The following ROCK1 variants were observed in gnomAD, a reference collection of about 807,000 sequenced individuals.
ROCK1 encodes Rho associated coiled-coil containing protein kinase 1.
In ROCK1, 36 loss-of-function variants were observed where a neutral mutation model predicts 196.8. The ratio of observed to expected loss-of-function variants is 0.18; its 90% CI spans 0.14 to 0.24. ROCK1 has a LOEUF of 0.24. Among genes scored for constraint, ROCK1 ranks in the 10% least tolerant of loss-of-function variants. The pLI is 1.00. For missense variants in ROCK1, 920 were observed against 1,562.0 expected (o/e 0.59, Z 6.93); for synonymous variants, 443 against 515.9 (o/e 0.86, Z 1.91).
At chr18:20,958,882 AATATAT>A (rs1555743038) in intron 29 of ROCK1, among the ~76,000 whole-genome samples, 3 of 26,880 alleles carry the variant, frequency 1.1e-4, no homozygotes, top group Admixed American at 5.9e-4. Flanking sequence ...TATATATATA[AATATAT>A]ATATTTATTT....
intron 22 of ROCK1, among the ~76,000 whole-genome samples, chr18:20,972,176 T>A (rs1207256302): frequency 6.6e-6 from 1 of 152,130 alleles, no homozygotes; most frequent in African/African-American, 2.4e-5. Flanking sequence ...CTATACATAA[T>A]TTTTAGTTAA....
intron 4 of ROCK1, among the ~76,000 whole-genome samples, chr18:21,047,500 A>G (rs2036170230): frequency 6.6e-6 from 1 of 152,188 alleles, no homozygotes; most frequent in Non-Finnish European, 1.5e-5. Context: ...TCAAGTTTAA[A>G]AGTACTATGG....
At chr18:20,991,136 T>G (rs760443434) in intron 18 of ROCK1, 40 bp downstream of exon 18, 1 of 1,544,642 alleles carries the variant, frequency 6.5e-7, no homozygotes, top group Non-Finnish European at 8.7e-7. Flanking sequence ...TAGTCACTAT[T>G]TAAAGTCAAT....
Position 20,954,714 on chromosome 18 carries a change from C to T in ROCK1, c.3853+69G>A. 6 of 1,453,448 alleles carry T rather than the reference C, an allele frequency of 4.1e-6. No homozygotes were observed. In the South Asian group the frequency reaches 8.2e-5, roughly 20 times the overall value. 90.0% of individuals were successfully genotyped at this position (1,453,448 alleles called of 1,614,324 possible). ...TCAACTTGGTATAGAAATCACTACA[C>T]ATAAGTTAGTTCATTGAGACTTAAA... On this transcript the variant is annotated intron_variant, in intron 31 of 32. Coordinates refer to ENST00000399799, the MANE Select transcript of ROCK1 (RefSeq NM_005406.3).
intron 16 of ROCK1, among the ~76,000 whole-genome samples, chr18:21,002,842 A>C (rs944239962): frequency 6.6e-6 from 1 of 152,182 alleles, no homozygotes; most frequent in Non-Finnish European, 1.5e-5. Context: ...CCTGGGCTCA[A>C]GCAATCCTCC....
intron 16 of ROCK1, among the ~76,000 whole-genome samples, chr18:21,004,012 T>C (rs2035748348): frequency 6.6e-6 from 1 of 152,204 alleles, no homozygotes. Context: ...TGAAAGCTTA[T>C]CAATTCAGTT....
rs1334919677 is a variant in ROCK1 at position 20,959,047 on chromosome 18, AATAT to A, written c.3512+789_3512+792del. 1.4e-4 allele frequency among the ~76,000 whole-genome samples: 7 copies of A among 49,536 alleles called. No individual in the cohort carries two copies. In the South Asian group the frequency reaches 2.6e-3, roughly 18 times the overall value. The allele number at this position is 49,536 out of a possible 152,430, so 32.5% of individuals were successfully genotyped here. Reference sequence around the variant, plus strand: ...AATATATATATTTTATATAATATATAATATATATATTATATTTTATATTATATAA... The same window carrying A: ...AATATATATATTTTATATAATATATAATATATTATATTTTATATTATATAA... On this transcript the variant is annotated intron_variant, in intron 29 of 32. Transcript: ENST00000399799.
chr18:21,109,848 C>T (rs2036734682), intron 1 of ROCK1, among the ~76,000 whole-genome samples: 1 of 152,038 alleles, frequency 6.6e-6, no homozygotes, highest in South Asian at 2.1e-4. Flanking sequence ...TAATCTTAAT[C>T]CCCAAAATTG....
chr18:20,959,086 T>TTTATATAATATATATAATATTATATA (rs2035290075), intron 29 of ROCK1, among the ~76,000 whole-genome samples: 1 of 29,768 alleles, frequency 3.4e-5, no homozygotes, highest in African/African-American at 2.5e-4. Flanking sequence ...ATATATATAT[T>TTTATATAATATATATAATATTATATA]TTATATAATA....
intron 29 of ROCK1, among the ~76,000 whole-genome samples, chr18:20,959,055 T>TA (rs2035285915): frequency 2.0e-5 from 1 of 49,558 alleles, no homozygotes; most frequent in African/African-American, 1.5e-4. Flanking sequence ...ATAATATATA[T>TA]ATTATATTTT....
At chr18:21,031,992 A>T (rs1380079069) in intron 9 of ROCK1, among the ~76,000 whole-genome samples, 1 of 152,236 alleles carries the variant, frequency 6.6e-6, no homozygotes, top group East Asian at 1.9e-4. Flanking sequence ...TGTGGCATCA[A>T]CCAGACCAAC....
intron 16 of ROCK1, among the ~76,000 whole-genome samples, chr18:21,000,213 G>A (rs1187941043): frequency 6.6e-6 from 1 of 152,052 alleles, no homozygotes; most frequent in Non-Finnish European, 1.5e-5. Flanking sequence ...AATGGAATAG[G>A]GTTGAGAATC....
In ROCK1 at chr18:21,024,570, T is replaced by G. The variant is rs541377215; in HGVS notation, c.1212-890A>C. Among the ~76,000 whole-genome samples, 6 of 152,334 alleles carry G rather than the reference T, an allele frequency of 3.9e-5. No homozygotes were observed. In the South Asian group the frequency reaches 1.0e-3, roughly 26 times the overall value. ...GCAAAAGGAGATCAAATAGTTACAGTATACTTCATAGCTATTGGAGGCATG... is the reference window on the plus strand; with the variant it reads ...GCAAAAGGAGATCAAATAGTTACAGGATACTTCATAGCTATTGGAGGCATG... On this transcript the variant is annotated intron_variant, in intron 10 of 32. Transcript: ENST00000399799.
At chr18:21,009,243 G>C (rs1333433791) in intron 13 of ROCK1, among the ~76,000 whole-genome samples, 1 of 130,524 alleles carries the variant, frequency 7.7e-6, no homozygotes, top group Non-Finnish European at 1.5e-5. Context: ...TCGATTTCCT[G>C]ACCTCGTGAT....
intron 32 of ROCK1, among the ~76,000 whole-genome samples, chr18:20,952,744 C>T (rs1318375366): frequency 6.6e-6 from 1 of 151,716 alleles, no homozygotes; most frequent in Non-Finnish European, 1.5e-5. Flanking sequence ...CACCACTGCA[C>T]TCCAGCCTGG....
chr18:21,089,729 T>A (rs1171173202), intron 1 of ROCK1, among the ~76,000 whole-genome samples: 1 of 152,154 alleles, frequency 6.6e-6, no homozygotes, highest in East Asian at 1.9e-4. Flanking sequence ...CAAAGCCTAT[T>A]TTATAACAAA....
intron 1 of ROCK1, among the ~76,000 whole-genome samples, chr18:21,106,672 A>ACAAC (rs2143609616): frequency 6.6e-6 from 1 of 152,376 alleles, no homozygotes; most frequent in East Asian, 1.9e-4. Context: ...AGTAAGAAAG[A>ACAAC]CAACCATTAG....
chr18:20,959,122 T>TATATATA lies in ROCK1; in HGVS notation c.3512+711_3512+717dup, dbSNP rs2035295088. 6.0e-5 allele frequency among the ~76,000 whole-genome samples: 3 copies of TATATATA among 49,768 alleles called. No homozygotes were observed. In the Admixed American group the frequency reaches 1.2e-3, roughly 20 times the overall value. 32.6% of individuals were successfully genotyped at this position (49,768 alleles called of 152,430 possible). On this transcript the variant is annotated intron_variant, in intron 29 of 32. Transcript: ENST00000399799. ...TATATATTATATATATATTATATAATATATATATTATATATATTATATAAA... is the reference window on the plus strand; with the variant it reads ...TATATATTATATATATATTATATAATATATATAATATATATTATATATATTATATAAA...
chr18:20,991,187 A>G lies in ROCK1; in HGVS notation c.2132T>C (p.Val711Ala). 1 of 1,598,080 alleles carries G rather than the reference A, an allele frequency of 6.3e-7. No individual in the cohort carries two copies. The highest frequency in any genetic ancestry group is 8.5e-7 in the Non-Finnish European group (1 of 1,175,808). Residue 711 changes from valine to alanine, a missense_variant, in exon 18 of 33, where the codon GTG becomes GCG. Coordinates refer to ENST00000399799, the MANE Select transcript of ROCK1 (RefSeq NM_005406.3). Reference sequence around the variant, plus strand: ...AAACTGACACTTACCACACATTGCCACAGACTTTGCCTCTTCAATAGATTG... The same window carrying G: ...AAACTGACACTTACCACACATTGCCGCAGACTTTGCCTCTTCAATAGATTG... ...KHQSIEEAKSVAMCEMEKKLK... is the reference protein window; with the variant it reads ...KHQSIEEAKSAAMCEMEKKLK...
Sources: allele counts gnomAD v4.1 joint callset (sites outside exome capture counted in the v4.1 genomes callset), GRCh38; gene constraint gnomAD v4.1.1; transcripts MANE v1.5; gene names NCBI Gene and HGNC (gene_info 2026-07-23, HGNC 2026-07-21).